ZNF10: variants seen among roughly 807,000 people sequenced by gnomAD.
ZNF10 encodes the protein zinc finger protein 10 (KOX 1).
In ZNF10, 8 loss-of-function variants were observed where a neutral mutation model predicts 12.2. The observed-to-expected ratio is 0.66, with a 90% CI of 0.39 to 1.18. The LOEUF (loss-of-function observed/expected upper bound fraction) is 1.18. ZNF10 is among the 50% of genes most tolerant of loss of function. The probability of loss-of-function intolerance (pLI) is 0.01; values close to 1 mark genes in which losing one functional copy is unlikely to be tolerated. For synonymous variants in ZNF10, 229 were observed against 228.2 expected (o/e 1.00, Z -0.03); for missense variants, 603 against 678.9 (o/e 0.89, Z 1.24).
chr12:133,147,782 ATTT>A (rs767587711), intron 2 of ZNF10, among the ~76,000 whole-genome samples: 2 of 135,390 alleles, frequency 1.5e-5, no homozygotes, highest in Non-Finnish European at 1.6e-5. Context: ...TGCCTGGCTA[ATTT>A]TTTTTTTTTT....
At chr12:133,138,344 C>A in intron 1 of ZNF10, among the ~76,000 whole-genome samples, 1 of 147,106 alleles carries the variant, frequency 6.8e-6, no homozygotes, top group African/African-American at 2.5e-5. Context: ...TAATGAGATC[C>A]TATTGAAAAT....
At chr12:133,148,999 G>A (rs537779983) in intron 2 of ZNF10, among the ~76,000 whole-genome samples, 37 of 152,078 alleles carry the variant, frequency 2.4e-4, no homozygotes, top group Admixed American at 5.9e-4. Context: ...TGATCCGCCC[G>A]CCTCAGCCTC....
chr12:133,137,360 G>T (rs1955918485), intron 1 of ZNF10, among the ~76,000 whole-genome samples: 1 of 152,150 alleles, frequency 6.6e-6, no homozygotes, highest in Admixed American at 6.5e-5. Context: ...GGCATTCTTG[G>T]CTGGCTGTGA....
At position 133,140,222 on chromosome 12, in the gene ZNF10, A is replaced by AAAG. The variant is rs1555299073; in HGVS notation, c.-59-4210_-59-4209insGAA. ...TGTCTCAAAAAAAAAAAAAAAAAAA[A>AAAG]AAAAAAAAAGCCAGGTGCAGTGGCT... On this transcript the variant is annotated intron_variant, in intron 1 of 4. Coordinates refer to ENST00000248211, the MANE Select transcript of ZNF10 (RefSeq NM_015394.5). Among the ~76,000 whole-genome samples the AAAG allele has an allele frequency of 1.1e-4, 13 of 123,272 alleles. 1 individual carries two copies. The highest frequency in any genetic ancestry group is 2.4e-4 in the African/African-American group (8 of 32,836). The allele number at this position is 123,272 out of a possible 152,430, so 80.9% of individuals were successfully genotyped here. A position where few individuals can be genotyped will look rare whatever the true frequency, so the allele number is the denominator to read the frequency against.
chr12:133,133,757 C>T (rs1332346461), intron 1 of ZNF10, among the ~76,000 whole-genome samples: 1 of 152,114 alleles, frequency 6.6e-6, no homozygotes, highest in African/African-American at 2.4e-5. Flanking sequence ...TTTGGAACTG[C>T]GTGTGCCTCA....
chr12:133,135,687 A>G (rs941379692), intron 1 of ZNF10, among the ~76,000 whole-genome samples: 28 of 152,184 alleles, frequency 1.8e-4, no homozygotes, highest in African/African-American at 6.5e-4. Context: ...GGTTCTCCTC[A>G]AATCTGTCAG....
At chr12:133,131,559 T>G (rs975965860) in intron 1 of ZNF10, among the ~76,000 whole-genome samples, 2 of 151,962 alleles carry the variant, frequency 1.3e-5, no homozygotes, top group East Asian at 3.8e-4. Flanking sequence ...TAGAAATGAC[T>G]GCAGTTAGGT....
At chr12:133,151,949 C>T in intron 4 of ZNF10, 45 bp downstream of exon 4, 1 of 1,509,452 alleles carries the variant, frequency 6.6e-7, no homozygotes, top group Non-Finnish European at 9.2e-7. Flanking sequence ...CCCAGATGGG[C>T]TGTGAGGTGC....
At chr12:133,142,821 T>C (rs1389295521) in intron 1 of ZNF10, among the ~76,000 whole-genome samples, 1 of 152,222 alleles carries the variant, frequency 6.6e-6, no homozygotes, top group Non-Finnish European at 1.5e-5. Context: ...TAAAACCATA[T>C]GACCCAGCTG....
intron 1 of ZNF10, among the ~76,000 whole-genome samples, chr12:133,141,948 CATGCTAT>C (rs1955946733): frequency 6.6e-6 from 1 of 152,040 alleles, no homozygotes; most frequent in Non-Finnish European, 1.5e-5. Context: ...AAGGAAAATA[CATGCTAT>C]ATACAGAGGA....
intron 1 of ZNF10, among the ~76,000 whole-genome samples, chr12:133,135,798 G>GCACACATAGAAATCCCAGCC (rs1392989089): frequency 6.6e-6 from 1 of 152,182 alleles, no homozygotes; most frequent in Non-Finnish European, 1.5e-5. Flanking sequence ...TGCATTACCT[G>GCACACATAGAAATCCCAGCC]CACACATAGA....
intron 4 of ZNF10, 103 bp from the exon 5 acceptor site, chr12:133,155,400 G>A: frequency 4.0e-6 from 5 of 1,251,072 alleles, no homozygotes; most frequent in Non-Finnish European, 5.4e-6. Context: ...AGCCATATTT[G>A]AAAGCAACTG....
intron 2 of ZNF10, 57 bp downstream of exon 2, chr12:133,144,582 T>A: frequency 6.5e-7 from 1 of 1,533,096 alleles, no homozygotes. Flanking sequence ...CTTTAGTTCC[T>A]TTGCCAAAGA....
chr12:133,155,374 T>C (rs1213608128), intron 4 of ZNF10, 129 bp from the exon 5 acceptor site: 1 of 997,866 alleles, frequency 1.0e-6, no homozygotes, highest in East Asian at 2.7e-5. Context: ...TTTCTCATTC[T>C]CTATCAAAGT....
chr12:133,153,989 T>TATC (rs1956023996), intron 4 of ZNF10, among the ~76,000 whole-genome samples: 1 of 152,166 alleles, frequency 6.6e-6, no homozygotes, highest in African/African-American at 2.4e-5. Flanking sequence ...ACCCTCATAC[T>TATC]GGATTAGGGG....
rs1172587850 is a variant in ZNF10, at chr12:133,157,638, T to TTA, written c.*673_*674dup. ...TAGATAAGGAGATTTTGACTGAGTTTTATAGTCTGTTTAATGTTGCTGTAA... is the reference window on the plus strand; with the variant it reads ...TAGATAAGGAGATTTTGACTGAGTTTTATATAGTCTGTTTAATGTTGCTGTAA... On this transcript the variant is annotated 3_prime_UTR_variant, in exon 5 of 5. Coordinates refer to ENST00000248211, the MANE Select transcript of ZNF10 (RefSeq NM_015394.5). The TTA allele has an allele frequency of 3.3e-5, 5 of 152,220 alleles. No homozygotes were observed. The highest frequency in any genetic ancestry group is 1.2e-4 in the African/African-American group (5 of 41,448). 9.4% of individuals were successfully genotyped at this position (152,220 alleles called of 1,614,324 possible).
chr12:133,135,454 G>A (rs181842786), intron 1 of ZNF10, among the ~76,000 whole-genome samples: 219 of 152,220 alleles, frequency 1.4e-3, no homozygotes, highest in Non-Finnish European at 2.3e-3. Context: ...CTGTGGCATC[G>A]CAGTGTTCCA....
At chr12:133,137,582 AC>A (rs1955919609) in intron 1 of ZNF10, among the ~76,000 whole-genome samples, 1 of 152,118 alleles carries the variant, frequency 6.6e-6, no homozygotes, top group Non-Finnish European at 1.5e-5. Context: ...GTTAGAAACC[AC>A]CTTCTATGCT....
intron 2 of ZNF10, among the ~76,000 whole-genome samples, chr12:133,145,407 G>A (rs1955969499): frequency 6.6e-6 from 1 of 152,096 alleles, no homozygotes; most frequent in African/African-American, 2.4e-5. Flanking sequence ...TCTTTAACAC[G>A]GTATTGTACT....
Sources: allele counts gnomAD v4.1 joint callset (sites outside exome capture counted in the v4.1 genomes callset), GRCh38; gene constraint gnomAD v4.1.1; transcripts MANE v1.5; gene names NCBI Gene and HGNC (gene_info 2026-07-23, HGNC 2026-07-21).